A1CF: variants seen among roughly 807,000 people sequenced by gnomAD.
A1CF encodes the protein APOBEC1 complementation factor, also known as APOBEC-1 stimulating protein.
A1CF carries 48 observed loss-of-function variants against 68.9 expected under a neutral mutation model. The observed-to-expected ratio is 0.70, with a 90% CI of 0.55 to 0.89. A1CF has a LOEUF of 0.89. A1CF is among the 40% of genes least tolerant of loss of function. A1CF has a pLI of 0.00. For synonymous variants in A1CF, 272 were observed against 260.4 expected, an observed-to-expected ratio of 1.04 and a Z score of -0.43; for missense variants, 653 against 718.9, an observed-to-expected ratio of 0.91 and a Z score of 1.05.
At chr10:50,838,119 C>A (rs1479412081) in intron 5 of A1CF, among the ~76,000 whole-genome samples, 1 of 152,124 alleles carries the variant, frequency 6.6e-6, no homozygotes, top group Non-Finnish European at 1.5e-5. Context: ...AGAAACGACC[C>A]ATTTGCCATG....
intron 8 of A1CF, among the ~76,000 whole-genome samples, chr10:50,818,888 C>T (rs1275309254): frequency 1.3e-5 from 2 of 152,048 alleles, no homozygotes; most frequent in African/African-American, 4.8e-5. Flanking sequence ...GGATCCACTG[C>T]CTATGGAATT....
intron 1 of A1CF, among the ~76,000 whole-genome samples, chr10:50,877,408 G>C (rs1300642620): frequency 1.3e-5 from 2 of 152,044 alleles, no homozygotes; most frequent in Non-Finnish European, 2.9e-5. Flanking sequence ...GGTTTCCTCA[G>C]ACCAATTTGG....
At chr10:50,815,425 A>G (rs1402026059) in intron 9 of A1CF, among the ~76,000 whole-genome samples, 1 of 152,208 alleles carries the variant, frequency 6.6e-6, no homozygotes, top group Non-Finnish European at 1.5e-5. Flanking sequence ...CATGTATTAA[A>G]GAAATATAGT....
At chr10:50,809,071 G>A (rs1837969250) in intron 12 of A1CF, among the ~76,000 whole-genome samples, 1 of 151,084 alleles carries the variant, frequency 6.6e-6, no homozygotes, top group Admixed American at 6.6e-5. Flanking sequence ...CAACTTTCTT[G>A]CCTGGTCCCC....
intron 7 of A1CF, among the ~76,000 whole-genome samples, chr10:50,821,709 G>T (rs925605109): frequency 6.6e-6 from 1 of 151,838 alleles, no homozygotes; most frequent in African/African-American, 2.4e-5. Context: ...GGCTAATTTT[G>T]TATTTTTAGT....
intron 1 of A1CF, among the ~76,000 whole-genome samples, chr10:50,874,978 C>A (rs1841439750): frequency 6.6e-6 from 1 of 152,140 alleles, no homozygotes; most frequent in Non-Finnish European, 1.5e-5. Flanking sequence ...TAAAGCTTCT[C>A]AGGTGATAAC....
rs750443908 is a variant in A1CF, at chr10:50,859,904, C to T, written c.37G>A (p.Gly13Ser). 1.7e-5 allele frequency: 28 copies of T among 1,613,832 alleles called. No individual in the cohort carries two copies. The highest frequency in any genetic ancestry group is 2.1e-5 in the Non-Finnish European group (25 of 1,179,924). Residue 13 changes from glycine (G) to serine (S), a missense_variant, in exon 3 of 13, where the codon GGC (glycine) becomes AGC (serine). Physicochemically the swap from Gly to Ser is moderately conservative, Grantham distance 56. Transcript: ENST00000373997. Reference protein sequence around the residue: ...SNHKSGDGLSGTQKEAALRAL... With the variant: ...SNHKSGDGLSSTQKEAALRAL... ...CGGAGGGCTGCTTCCTTCTGAGTGC[C>T]GCTCAATCCATCCCCGGATTTGTGA...
At position 50,816,071 on chromosome 10, in the gene A1CF, A is replaced by G; in HGVS notation, c.1076T>C (p.Leu359Pro). 1 of 1,613,810 alleles carries G rather than the reference A, an allele frequency of 6.2e-7. No individual in the cohort carries two copies. The highest frequency in any genetic ancestry group is 8.5e-7 in the Non-Finnish European group (1 of 1,179,834). Residue 359 changes from leucine (L) to proline (P), a missense_variant, in exon 9 of 13, where the codon CTT becomes CCT. Transcript: ENST00000373997. ...ATGTCCTTTGGTGGCTGGGAAATGA[A>G]GACTGGGAATTGCTGCATAGGTCTG... ...APQTYAAIPS[L>P]HFPATKGHLS...
At chr10:50,872,281 A>G (rs1841304300) in intron 1 of A1CF, among the ~76,000 whole-genome samples, 1 of 152,190 alleles carries the variant, frequency 6.6e-6, no homozygotes, top group Admixed American at 6.5e-5. Flanking sequence ...CACATATGCT[A>G]TGTTCTGAAA....
intron 1 of A1CF, among the ~76,000 whole-genome samples, chr10:50,877,810 A>AGT (rs529080963): frequency 1.3e-5 from 2 of 152,148 alleles, no homozygotes; most frequent in Non-Finnish European, 2.9e-5. Flanking sequence ...TGTGATAGGG[A>AGT]GTGTCTCTGT....
chr10:50,828,076 G>C, intron 7 of A1CF, 55 bp downstream of exon 7: 2 of 1,382,952 alleles, frequency 1.4e-6, no homozygotes, highest in South Asian at 1.6e-5. Context: ...ACCCTCCCAA[G>C]ACTAAACCAG....
At chr10:50,849,953 C>T (rs1050740904) in intron 3 of A1CF, among the ~76,000 whole-genome samples, 1 of 152,066 alleles carries the variant, frequency 6.6e-6, no homozygotes, top group African/African-American at 2.4e-5. Context: ...GCAACCATGC[C>T]TGGCTAATTT....
At chr10:50,867,833 T>C (rs937052379) in intron 1 of A1CF, among the ~76,000 whole-genome samples, 1 of 152,240 alleles carries the variant, frequency 6.6e-6, no homozygotes. Context: ...ATTAATTTAA[T>C]ATCTGCAACG....
At chr10:50,822,533 A>G (rs748687813) in intron 7 of A1CF, among the ~76,000 whole-genome samples, 3 of 152,156 alleles carry the variant, frequency 2.0e-5, no homozygotes, top group Non-Finnish European at 4.4e-5. Context: ...CTTCCTTTGG[A>G]ATGATAGTCG....
intron 5 of A1CF, 94 bp downstream of exon 5, chr10:50,841,768 T>C: frequency 6.8e-7 from 1 of 1,480,096 alleles, no homozygotes; most frequent in African/African-American, 1.4e-5. Flanking sequence ...CTTGGCTTTT[T>C]TTTTGGCATA....
chr10:50,823,848 G>T (rs1838790226), intron 7 of A1CF: 1 of 151,914 alleles, frequency 6.6e-6, no homozygotes, highest in African/African-American at 2.4e-5. Context: ...ACTGATACGT[G>T]GTCAAATATT....
rs77555683 is a variant in A1CF at position 50,838,206 on chromosome 10, G to A, written c.366-1894C>T. On this transcript the variant is annotated intron_variant, in intron 5 of 12. Coordinates refer to ENST00000373997, the MANE Select transcript of A1CF (RefSeq NM_014576.4). ...CGAATGGCTCTTGGTTGTGTGGCAG[G>A]TTTTCTGACCAGGGTTAGGCCACTG... Among the ~76,000 whole-genome samples, 193 of 152,252 alleles carry A rather than the reference G, an allele frequency of 1.3e-3. 1 individual carries two copies. Among genetic ancestry groups the A allele is most frequent in the East Asian group, 9.5e-3 (49 of 5,174 alleles).
At chr10:50,824,810 C>T (rs189790849) in intron 7 of A1CF, among the ~76,000 whole-genome samples, 2 of 152,284 alleles carry the variant, frequency 1.3e-5, no homozygotes, top group African/African-American at 2.4e-5. Flanking sequence ...GGGCAAACTA[C>T]TTAACTACTC....
At chr10:50,835,961 T>G in intron 6 of A1CF, 113 bp downstream of exon 6, 2 of 1,008,938 alleles carry the variant, frequency 2.0e-6, no homozygotes, top group African/African-American at 1.6e-5. Context: ...GATAAAAAAT[T>G]TAAAATACAG....
Sources: gnomAD v4.1 joint callset for allele counts (sites outside exome capture counted in the v4.1 genomes callset) on GRCh38, gnomAD v4.1.1 for gene constraint, MANE v1.5 for transcripts, NCBI Gene and HGNC (gene_info 2026-07-23, HGNC 2026-07-21) for gene names.